Variants in FRS2 observed in about 807,000 individuals in gnomAD.
FRS2 encodes the protein fibroblast growth factor receptor substrate 2, also known as FGFR signalling adaptor.
Under a neutral mutation model 43.9 loss-of-function variants are expected in FRS2, and 8 were observed. The observed-to-expected ratio is 0.18, with a 90% confidence interval of 0.11 to 0.33. FRS2 has a LOEUF of 0.33. FRS2 is among the 10% of genes least tolerant of loss of function. FRS2 has a pLI of 1.00. For missense variants in FRS2, 534 were observed against 627.6 expected, an observed-to-expected ratio of 0.85 and a Z score of 1.59; for synonymous variants, 219 against 220.3, an observed-to-expected ratio of 0.99 and a Z score of 0.05.
intron 1 of FRS2, among the ~76,000 whole-genome samples, chr12:69,527,527 C>A (rs1303544693): frequency 6.6e-6 from 1 of 151,600 alleles, no homozygotes; most frequent in African/African-American, 2.4e-5. Context: ...ACATGTTATT[C>A]CTATGGCACA....
chr12:69,490,387 T>C (rs1565720988), intron 1 of FRS2, among the ~76,000 whole-genome samples: 1 of 151,220 alleles, frequency 6.6e-6, no homozygotes, highest in African/African-American at 2.4e-5. Context: ...ATTTAAGAGC[T>C]AAAAAGAAAA....
chr12:69,532,725 G>A (rs1181533005), intron 3 of FRS2, among the ~76,000 whole-genome samples: 1 of 152,196 alleles, frequency 6.6e-6, no homozygotes, highest in Non-Finnish European at 1.5e-5. Context: ...TCTGCTGAAA[G>A]TGAAGCCAAG....
chr12:69,546,252 T>C (rs1878392188), intron 3 of FRS2, among the ~76,000 whole-genome samples: 1 of 152,108 alleles, frequency 6.6e-6, no homozygotes, highest in South Asian at 2.1e-4. Flanking sequence ...CTCACACTCA[T>C]TAGGATGGCT....
intron 3 of FRS2, 180 bp from the exon 4 acceptor site, chr12:69,562,000 A>T: frequency 2.8e-6 from 1 of 357,192 alleles, no homozygotes; most frequent in Non-Finnish European, 5.0e-6. Flanking sequence ...GAATGATAAC[A>T]TGTGCATATT....
chr12:69,557,621 C>CGCGCGT (rs1555192546), intron 3 of FRS2, among the ~76,000 whole-genome samples: 7 of 82,288 alleles, frequency 8.5e-5, no homozygotes, highest in African/African-American at 2.7e-4. Context: ...TGTGTGTGTG[C>CGCGCGT]GCGCGCGCGC....
intron 1 of FRS2, among the ~76,000 whole-genome samples, chr12:69,522,367 T>C (rs1462161703): frequency 2.0e-5 from 3 of 152,096 alleles, no homozygotes; most frequent in Non-Finnish European, 4.4e-5. Context: ...TCATTTCTTC[T>C]AGATTTTCTA....
chr12:69,572,864 T>C (rs1216894520), intron 8 of FRS2, among the ~76,000 whole-genome samples: 1 of 152,246 alleles, frequency 6.6e-6, no homozygotes, highest in Non-Finnish European at 1.5e-5. Context: ...TGAGTCTTGG[T>C]CTGTCGCCCA....
intron 3 of FRS2, among the ~76,000 whole-genome samples, chr12:69,553,416 G>A (rs1037992518): frequency 6.6e-6 from 1 of 152,092 alleles, no homozygotes; most frequent in African/African-American, 2.4e-5. Flanking sequence ...TGTCAGTTAC[G>A]CTGATTACAG....
intron 1 of FRS2, among the ~76,000 whole-genome samples, chr12:69,523,732 G>T (rs1423774824): frequency 6.6e-6 from 1 of 152,158 alleles, no homozygotes; most frequent in East Asian, 1.9e-4. Context: ...TCCATATTTA[G>T]TACTTCTTTC....
chr12:69,490,466 C>T (rs1435785161), intron 1 of FRS2, among the ~76,000 whole-genome samples: 1 of 149,730 alleles, frequency 6.7e-6, no homozygotes, highest in Non-Finnish European at 1.5e-5. Flanking sequence ...AAACTTTTGC[C>T]CAAGTTTTTG....
intron 1 of FRS2, among the ~76,000 whole-genome samples, chr12:69,499,439 C>A (rs1334185227): frequency 6.6e-6 from 1 of 152,060 alleles, no homozygotes; most frequent in Admixed American, 6.6e-5. Context: ...GGAACTTACT[C>A]ATTTCTACCA....
intron 1 of FRS2, among the ~76,000 whole-genome samples, chr12:69,509,574 A>G (rs1874271926): frequency 1.3e-5 from 2 of 152,156 alleles, no homozygotes; most frequent in Admixed American, 1.3e-4. Flanking sequence ...GAGACTCAGC[A>G]CCCATTAAGC....
chr12:69,574,741 A>G lies in FRS2; in HGVS notation c.1313A>G (p.Gln438Arg). The G allele has an allele frequency of 6.2e-7, 1 of 1,614,242 alleles. No homozygotes were observed. Among genetic ancestry groups the G allele is most frequent in the Non-Finnish European group, 8.5e-7 (1 of 1,180,046 alleles). The change falls in exon 9 of 9, where the codon CAG (glutamine) becomes CGG (arginine). Residue 438 changes from glutamine (Q) to arginine (R), a missense_variant. Gln to Arg is a conservative substitution (Grantham distance 43). This residue lies in a region of FRS2 where 446 missense variants were observed against 494.2 expected (regional missense o/e 0.90). Transcript: ENST00000549921. ...SLEHRQLNYI[Q>R]VDLEGGSDSD... ...GAACACAGGCAGCTTAATTACATAC[A>G]GGTTGACTTGGAAGGTGGCAGTGAC...
intron 2 of FRS2, among the ~76,000 whole-genome samples, chr12:69,531,347 A>AT (rs397969975): frequency 6.6e-6 from 1 of 151,502 alleles, no homozygotes; most frequent in Non-Finnish European, 1.5e-5. Context: ...AAAAAAAAAA[A>AT]GGTAGACATT....
chr12:69,543,435 C>T (rs531039781), intron 3 of FRS2, among the ~76,000 whole-genome samples: 1 of 152,200 alleles, frequency 6.6e-6, no homozygotes, highest in Admixed American at 6.5e-5. Flanking sequence ...AAGGATATTT[C>T]GTTGAACAAA....
intron 8 of FRS2, among the ~76,000 whole-genome samples, chr12:69,573,093 A>G (rs1236393796): frequency 6.6e-6 from 1 of 152,326 alleles, no homozygotes; most frequent in East Asian, 1.9e-4. Flanking sequence ...CCGGCCTCCC[A>G]AAGTGTTGGG....
In FRS2 at chr12:69,570,498, A is replaced by G; in HGVS notation, c.234A>G (p.Arg78=). ...DSNLFSFESG[R]RCQTGQGIFA... The stretch of plus-strand genomic sequence containing the variant: ...ATCTCTTTTCTTTTGAAAGTGGTCG[A>G]AGGTGTCAAACTGGACAAGGTAGAA... The change falls in exon 6 of 9, where the codon CGA becomes CGG. Residue 78 remains arginine (R), a synonymous_variant. Coordinates refer to ENST00000549921, the MANE Select transcript of FRS2 (RefSeq NM_001278356.2). The G allele has an allele frequency of 6.2e-7, 1 of 1,611,120 alleles. No homozygotes were observed. Among genetic ancestry groups the G allele is most frequent in the Non-Finnish European group, 8.5e-7 (1 of 1,177,214 alleles).
intron 1 of FRS2, among the ~76,000 whole-genome samples, chr12:69,513,232 A>G (rs1486588433): frequency 6.7e-6 from 1 of 150,188 alleles, no homozygotes; most frequent in Non-Finnish European, 1.5e-5. Context: ...CTTTTTTCCT[A>G]AATTTTAATC....
chr12:69,498,626 A>G (rs995480156), intron 1 of FRS2, among the ~76,000 whole-genome samples: 9 of 150,978 alleles, frequency 6.0e-5, no homozygotes, highest in East Asian at 1.9e-4. Context: ...GGTCAGGACA[A>G]TTCTTCCAAT....
Sources: gnomAD v4.1 joint callset for allele counts (sites outside exome capture counted in the v4.1 genomes callset) on GRCh38, gnomAD v4.1.1 for gene constraint, gnomAD v4.1.1 regional missense constraint, MANE v1.5 for transcripts, NCBI Gene and HGNC (gene_info 2026-07-23, HGNC 2026-07-21) for gene names.